Variants in SCG5 observed in about 807,000 individuals in gnomAD.
The protein encoded by SCG5 is secretogranin V, also known as neuroendocrine protein 7B2.
SCG5 carries 18 observed loss-of-function variants against 25.7 expected under a neutral mutation model. That is an observed-to-expected ratio of 0.70 (90% CI 0.48 to 1.04). The LOEUF is 1.04. Among genes scored for constraint, SCG5 ranks in the 50% least tolerant of loss-of-function variants. The probability of loss-of-function intolerance (pLI) is 0.00; values close to 1 mark genes in which losing one functional copy is unlikely to be tolerated. For missense variants in SCG5, 206 were observed against 259.8 expected (o/e 0.79, Z 1.42); for synonymous variants, 101 against 91.7 (o/e 1.10, Z -0.58).
chr15:32,657,934 G>A (rs1207203229), intron 2 of SCG5, among the ~76,000 whole-genome samples: 7 of 152,246 alleles, frequency 4.6e-5, no homozygotes, highest in East Asian at 3.9e-4. Context: ...GAGGAATTGA[G>A]CGTGTTTACA....
intron 2 of SCG5, among the ~76,000 whole-genome samples, chr15:32,653,145 A>G (rs943608097): frequency 6.6e-6 from 1 of 152,262 alleles, no homozygotes; most frequent in Admixed American, 6.5e-5. Flanking sequence ...CAATTTGTCA[A>G]GAATCACAAT....
intron 2 of SCG5, chr15:32,656,302 G>A (rs1005827083): frequency 6.6e-6 from 1 of 152,228 alleles, no homozygotes; most frequent in African/African-American, 2.4e-5. Context: ...GAGGCAACAG[G>A]AAGTGTGCTG....
intron 2 of SCG5, among the ~76,000 whole-genome samples, chr15:32,648,559 A>G (rs925180976): frequency 6.6e-6 from 1 of 152,026 alleles, no homozygotes; most frequent in African/African-American, 2.4e-5. Context: ...GCTCCAGTCA[A>G]TCGTACTCCC....
At chr15:32,653,769 C>CTT (rs1441501132) in intron 2 of SCG5, among the ~76,000 whole-genome samples, 2 of 152,154 alleles carry the variant, frequency 1.3e-5, no homozygotes, top group African/African-American at 4.8e-5. Context: ...ATCTGCTTTT[C>CTT]TTAAAGTTCA....
At chr15:32,658,033 G>T (rs1420280220) in intron 2 of SCG5, among the ~76,000 whole-genome samples, 3 of 152,126 alleles carry the variant, frequency 2.0e-5, no homozygotes, top group Non-Finnish European at 4.4e-5. Flanking sequence ...GAGTCTAGAG[G>T]CATCCAGAGG....
At chr15:32,659,109 G>A (rs2054173897) in intron 2 of SCG5, among the ~76,000 whole-genome samples, 1 of 152,032 alleles carries the variant, frequency 6.6e-6, no homozygotes, top group African/African-American at 2.4e-5. Context: ...CTGGGAGGCG[G>A]AGCTGGCAGT....
At chr15:32,646,411 T>G (rs368291381) in intron 2 of SCG5, among the ~76,000 whole-genome samples, 4 of 152,214 alleles carry the variant, frequency 2.6e-5, no homozygotes, top group African/African-American at 4.8e-5. Flanking sequence ...TCTTGCTGGC[T>G]GTCAGCCAAC....
chr15:32,658,722 A>G (rs2054165804), intron 2 of SCG5, among the ~76,000 whole-genome samples: 1 of 152,190 alleles, frequency 6.6e-6, no homozygotes, highest in Non-Finnish European at 1.5e-5. Context: ...AAATCTAGCG[A>G]TACCCTCGAT....
chr15:32,669,839 G>A (rs1286538756), intron 2 of SCG5, among the ~76,000 whole-genome samples: 1 of 149,136 alleles, frequency 6.7e-6, no homozygotes, highest in Non-Finnish European at 1.5e-5. Flanking sequence ...TTTTGCAAAT[G>A]AGTAAACAGC....
intron 2 of SCG5, chr15:32,666,511 G>A (rs1432765652): frequency 6.6e-6 from 1 of 152,112 alleles, no homozygotes; most frequent in Non-Finnish European, 1.5e-5. Context: ...AGAAAGAAAC[G>A]AACATTTATT....
intron 3 of SCG5, among the ~76,000 whole-genome samples, chr15:32,680,752 G>A (rs2054605775): frequency 6.6e-6 from 1 of 152,138 alleles, no homozygotes; most frequent in Admixed American, 6.5e-5. Context: ...GGAAGAAGCT[G>A]GTTAAGGAAG....
At chr15:32,690,083 C>T (rs2054819697) in intron 4 of SCG5, among the ~76,000 whole-genome samples, 1 of 152,172 alleles carries the variant, frequency 6.6e-6, no homozygotes, top group Admixed American at 6.5e-5. Context: ...CCTCGTGATC[C>T]TCCCACCTCG....
chr15:32,670,528 TC>T (rs1411910128), intron 2 of SCG5, among the ~76,000 whole-genome samples: 1 of 152,264 alleles, frequency 6.6e-6, no homozygotes, highest in African/African-American at 2.4e-5. Flanking sequence ...CCCTCACCAT[TC>T]TAAACAGCTT....
chr15:32,646,659 GAA>G (rs2053948608), intron 2 of SCG5, among the ~76,000 whole-genome samples: 1 of 152,134 alleles, frequency 6.6e-6, no homozygotes, highest in African/African-American at 2.4e-5. Flanking sequence ...AACTAACAAA[GAA>G]AATAGTCCAA....
At chr15:32,663,076 TA>T (rs2054260814) in intron 2 of SCG5, among the ~76,000 whole-genome samples, 5 of 57,090 alleles carry the variant, frequency 8.8e-5, no homozygotes, top group Non-Finnish European at 2.0e-4. Flanking sequence ...TATATATATA[TA>T]TAATATATAA....
At chr15:32,643,931 AGAG>A in intron 2 of SCG5, 113 bp downstream of exon 2, 1 of 888,556 alleles carries the variant, frequency 1.1e-6, no homozygotes, top group Non-Finnish European at 1.7e-6. Context: ...TATTTTTTTC[AGAG>A]GAGGAAGCTA....
chr15:32,680,884 G>C (rs909283584), intron 3 of SCG5, among the ~76,000 whole-genome samples: 3 of 152,212 alleles, frequency 2.0e-5, no homozygotes, highest in African/African-American at 7.2e-5. Context: ...TGGTGGTTAA[G>C]AGTAGTGGCT....
intron 2 of SCG5, among the ~76,000 whole-genome samples, chr15:32,647,026 T>C (rs2053953401): frequency 6.6e-6 from 1 of 152,232 alleles, no homozygotes; most frequent in Non-Finnish European, 1.5e-5. Flanking sequence ...ACATGGTGCT[T>C]ATGAGCACAA....
chr15:32,654,201 C>T (rs903611149), intron 2 of SCG5, among the ~76,000 whole-genome samples: 17 of 152,188 alleles, frequency 1.1e-4, no homozygotes, highest in African/African-American at 3.4e-4. Flanking sequence ...GACTAGGTGG[C>T]TTAAATAACA....
Sources: allele counts gnomAD v4.1 joint callset (sites outside exome capture counted in the v4.1 genomes callset), GRCh38; gene constraint gnomAD v4.1.1; transcripts MANE v1.5; gene names NCBI Gene and HGNC (gene_info 2026-07-23, HGNC 2026-07-21).